PZP: variants seen among roughly 807,000 people sequenced by gnomAD.
The protein encoded by PZP is PZP alpha-2-macroglobulin like, also known as pregnancy zone protein.
In PZP, 150 loss-of-function variants were observed where a neutral mutation model predicts 179.8. That is an observed-to-expected ratio of 0.83 (90% CI 0.73 to 0.96). PZP has a LOEUF of 0.96. PZP is among the 40% of genes least tolerant of loss of function. The pLI is 0.00. For missense variants in PZP, 1,689 were observed against 1,764.0 expected (o/e 0.96, Z 0.76); for synonymous variants, 624 against 652.3 (o/e 0.96, Z 0.66).
chr12:9,188,908 CT>C (rs1943290296), intron 13 of PZP, among the ~76,000 whole-genome samples: 1 of 151,990 alleles, frequency 6.6e-6, no homozygotes, highest in Admixed American at 6.6e-5. Context: ...ATATTCCATG[CT>C]CATAGATAGG....
At chr12:9,154,998 C>T (rs1565624165) in intron 28 of PZP, among the ~76,000 whole-genome samples, 159 bp from the exon 29 acceptor site, 1 of 152,308 alleles carries the variant, frequency 6.6e-6, no homozygotes, top group Middle Eastern at 3.4e-3. Context: ...ACTCACACTT[C>T]TATGCTGAAC....
Position 9,200,367 on chromosome 12 carries a change from C to T in PZP, c.752G>A (p.Gly251Glu). Reference sequence around the variant, plus strand: ...AGATAAAAACAATGTAACTCACTCTCCACAGACTGTTATGTTCACTTTTTC... The same window carrying T: ...AGATAAAAACAATGTAACTCACTCTTCACAGACTGTTATGTTCACTTTTTC... ...MDEKVNITVC[G>E]EYTYGKPVPG... Residue 251 changes from glycine (G) to glutamate (E), a missense_variant, in exon 7 of 36, where the codon GGA becomes GAA. Around this residue, in one of 3 missense-constraint regions of PZP, gnomAD observed 742 missense variants for 730.5 expected, o/e 1.02. Transcript: ENST00000261336. 2 of 1,599,248 alleles carry T rather than the reference C, an allele frequency of 1.3e-6. No homozygotes were observed. The highest frequency in any genetic ancestry group is 1.7e-6 in the Non-Finnish European group (2 of 1,167,356).
At chr12:9,165,457 G>A in intron 18 of PZP, 90 bp from the exon 19 acceptor site, 7 of 1,417,646 alleles carry the variant, frequency 4.9e-6, no homozygotes, top group Admixed American at 3.7e-5. Context: ...CTAACGTCAA[G>A]AACTGAATCC....
chr12:9,173,131 C>T lies in PZP; in HGVS notation c.1840-3540G>A, dbSNP rs775881281. 2.5e-4 allele frequency among the ~76,000 whole-genome samples: 38 copies of T among 152,310 alleles called. 1 individual carries two copies. The highest frequency in any genetic ancestry group is 1.5e-3 in the East Asian group (8 of 5,176). ...ACTGAAATCATAACAGTCTTTCAGA[C>T]GACAGTGCAATCAACTTAGAACTCA... On this transcript the variant is annotated intron_variant, in intron 15 of 35. Transcript: ENST00000261336.
intron 6 of PZP, 99 bp downstream of exon 6, chr12:9,200,793 T>G (rs2121207431): frequency 2.3e-6 from 3 of 1,284,818 alleles, no homozygotes; most frequent in Non-Finnish European, 3.2e-6. Context: ...CTGACTCTAC[T>G]GCAAGTTCAA....
rs1390955231 is a variant in PZP, at chr12:9,150,745, A to G, written c.4283T>C (p.Val1428Ala). 4.4e-6 allele frequency: 7 copies of G among 1,603,598 alleles called. No homozygotes were observed. Among genetic ancestry groups the G allele is most frequent in the Non-Finnish European group, 4.3e-6 (5 of 1,171,454 alleles). The change falls in exon 34 of 36, where the codon GTG becomes GCG. Residue 1428 changes from valine to alanine, a missense_variant and splice_region_variant. Transcript: ENST00000261336. ...GGAAAAACTTAGCGTCTGATTTGTCACCTGAAAGGAAAAGTGGGAGTAATC... is the reference window on the plus strand; with the variant it reads ...GGAAAAACTTAGCGTCTGATTTGTCGCCTGAAAGGAAAAGTGGGAGTAATC... ...NNHVLIYVEQ[V>A]TNQTLSFSFM...
At chr12:9,190,790 GTAA>G (rs1943415675) in intron 13 of PZP, among the ~76,000 whole-genome samples, 5 of 151,980 alleles carry the variant, frequency 3.3e-5, no homozygotes, top group African/African-American at 9.7e-5. Context: ...AATAATTTAG[GTAA>G]TAATAATTTG....
At position 9,164,179 on chromosome 12, in the gene PZP, TCCACAGATA is replaced by T. The variant is rs1235386001; in HGVS notation, c.2559_2567del (p.Cys853_Gly856delinsTer). On this transcript the variant is annotated stop_gained and inframe_deletion, in exon 20 of 36. Transcript: ENST00000261336. LOFTEE classifies it high-confidence loss of function. ...TCCAAGACAAGGTTTGTCTCTCATT[TCCACAGATA>T]CAATAGGATTCTTCTCCCTTTGTAT... is the stretch of plus-strand genomic sequence containing the variant. 3.1e-6 allele frequency: 5 copies of T among 1,610,356 alleles called. No homozygotes were observed. The highest frequency in any genetic ancestry group is 4.2e-6 in the Non-Finnish European group (5 of 1,176,656).
At chr12:9,162,308 C>A (rs982090340) in intron 22 of PZP, 8 of 311,866 alleles carry the variant, frequency 2.6e-5, no homozygotes, top group Non-Finnish European at 4.1e-5. Context: ...TAAGCTTCTG[C>A]AGCTGGGCTT....
rs766749252 is a variant in PZP, at chr12:9,157,811, C to T, written c.3325G>A (p.Ala1109Thr). ...GGVEDEATLS[A>T]YVTIALLEIP... is the part of the protein sequence containing the mutation. ...TCCAGAAGGGCAATAGTAACATAGG[C>T]GGAGAGGGTCGCTTCATCTTCTACA... Residue 1109 changes from alanine to threonine, a missense_variant, in exon 27 of 36, where the codon GCC becomes ACC. Ala to Thr is a moderately conservative substitution (Grantham distance 58, BLOSUM62 0). This residue lies in a region of PZP where 746 missense variants were observed against 749.2 expected (regional missense o/e 1.00). Coordinates refer to ENST00000261336, the MANE Select transcript of PZP (RefSeq NM_002864.3). 55 of 1,613,856 alleles carry T rather than the reference C, an allele frequency of 3.4e-5. No individual in the cohort carries two copies. The Admixed American group carries it at 3.7e-4, about 11-fold the overall frequency.
chr12:9,139,151 C>T, the PZP span, among the ~76,000 whole-genome samples: 1 of 151,994 alleles, frequency 6.6e-6, no homozygotes, highest in Non-Finnish European at 1.5e-5. Context: ...TATTAAGGCA[C>T]TTTAAATTCC....
intron 26 of PZP, 93 bp from the exon 27 acceptor site, chr12:9,157,934 T>C (rs1381945249): frequency 1.9e-6 from 2 of 1,056,726 alleles, no homozygotes; most frequent in African/African-American, 3.1e-5. Context: ...AGTATCTGTT[T>C]CCATTCAAAG....
intron 29 of PZP, among the ~76,000 whole-genome samples, 173 bp from the exon 30 acceptor site, chr12:9,153,516 C>G (rs778169080): frequency 6.6e-6 from 1 of 152,322 alleles, no homozygotes; most frequent in Admixed American, 6.5e-5. Flanking sequence ...CAAAATCATG[C>G]TGCAGTTTCT....
intron 1 of PZP, among the ~76,000 whole-genome samples, chr12:9,204,662 G>A (rs1434103570): frequency 6.6e-6 from 1 of 151,966 alleles, no homozygotes; most frequent in Non-Finnish European, 1.5e-5. Context: ...AACACACACT[G>A]TATTTTATTA....
chr12:9,143,364 A>G, the PZP span, among the ~76,000 whole-genome samples: 1 of 152,108 alleles, frequency 6.6e-6, no homozygotes, highest in Non-Finnish European at 1.5e-5. Flanking sequence ...TAACAGGTGG[A>G]GAAGGAGGAA....
Position 9,152,335 on chromosome 12 carries a change from T to G in PZP, c.4122-25A>C, listed in dbSNP as rs138765750. 6.2e-5 allele frequency: 98 copies of G among 1,581,192 alleles called. No homozygotes were observed. In the Middle Eastern group the frequency reaches 6.7e-4, roughly 11 times the overall value. On this transcript the variant is annotated intron_variant, in intron 31 of 35. Transcript: ENST00000261336. ...ACTGTAGTGTCAAAGGAAAAAGAATTTAGGGTTTTATACGTGAAAGAAAGC... is the reference window on the plus strand; with the variant it reads ...ACTGTAGTGTCAAAGGAAAAAGAATGTAGGGTTTTATACGTGAAAGAAAGC...
At chr12:9,142,515 A>G in the PZP span, among the ~76,000 whole-genome samples, 1 of 152,242 alleles carries the variant, frequency 6.6e-6, no homozygotes, top group African/African-American at 2.4e-5. Context: ...GATTAAAGTC[A>G]CGTGAACTGA....
intron 5 of PZP, 98 bp from the exon 6 acceptor site, chr12:9,201,158 G>T: frequency 6.8e-7 from 1 of 1,469,408 alleles, no homozygotes; most frequent in Non-Finnish European, 9.3e-7. Flanking sequence ...ATTGCCTCTG[G>T]AAAGACAAAT....
At chr12:9,194,554 T>C (rs1327983557) in intron 10 of PZP, among the ~76,000 whole-genome samples, 6 of 144,952 alleles carry the variant, frequency 4.1e-5, no homozygotes, top group African/African-American at 1.5e-4. Flanking sequence ...AAGCTCTGCC[T>C]CCTGGACTCA....
Sources: allele counts gnomAD v4.1 joint callset (sites outside exome capture counted in the v4.1 genomes callset), GRCh38; gene constraint gnomAD v4.1.1; regional missense constraint gnomAD v4.1.1; transcripts MANE v1.5; gene names NCBI Gene and HGNC (gene_info 2026-07-23, HGNC 2026-07-21).